Variants in ATP6V1B2 observed in about 807,000 individuals in gnomAD.
ATP6V1B2 encodes the protein V-type proton ATPase subunit B, brain isoform.
A neutral mutation model predicts 66.7 loss-of-function variants in ATP6V1B2; 23 were observed. The observed-to-expected ratio is 0.34, with a 90% CI of 0.25 to 0.49. ATP6V1B2 has a LOEUF of 0.49. Ranked by LOEUF, ATP6V1B2 falls within the 20% of genes least tolerant of loss-of-function variation. The pLI, the probability that ATP6V1B2 is intolerant of heterozygous loss-of-function variation, is 0.99. For missense variants in ATP6V1B2, 478 were observed against 650.8 expected (o/e 0.73, Z 2.89); for synonymous variants, 278 against 236.7 (o/e 1.17, Z -1.60).
At chr8:20,208,459 A>G (rs1032114972) in intron 2 of ATP6V1B2, among the ~76,000 whole-genome samples, 1 of 152,190 alleles carries the variant, frequency 6.6e-6, no homozygotes, top group African/African-American at 2.4e-5. Context: ...GCATCTTTCA[A>G]TAAATTATGT....
Position 20,210,374 on chromosome 8 carries a change from C to T in ATP6V1B2, c.320C>T (p.Ala107Val). The T allele has an allele frequency of 2.5e-6, 4 of 1,613,366 alleles. No individual in the cohort carries two copies. The highest frequency in any genetic ancestry group is 3.4e-6 in the Non-Finnish European group (4 of 1,179,582). Residue 107 changes from alanine to valine, a missense_variant, in exon 4 of 14, where the codon GCT (alanine) becomes GTT (valine). Ala to Val is a moderately conservative substitution (Grantham distance 64). Transcript: ENST00000276390. ...TTTGAAGGGACTTCAGGTATAGATG[C>T]TAAGAAAACGTCCTGTGAGTTTACT... ...QVFEGTSGIDAKKTSCEFTGD... is the reference protein window; with the variant it reads ...QVFEGTSGIDVKKTSCEFTGD...
chr8:20,198,282 T>A (rs2072649191), intron 1 of ATP6V1B2, among the ~76,000 whole-genome samples: 1 of 152,230 alleles, frequency 6.6e-6, no homozygotes, highest in Non-Finnish European at 1.5e-5. Context: ...GCTGGGCCTT[T>A]TTCTACCGTT....
chr8:20,211,062 A>G, intron 5 of ATP6V1B2, 115 bp from the exon 6 acceptor site: 2 of 1,327,220 alleles, frequency 1.5e-6, no homozygotes, highest in Non-Finnish European at 2.1e-6. Context: ...GAGATGCTTT[A>G]TGTAGTTCTG....
Position 20,216,467 on chromosome 8 carries a change from A to G in ATP6V1B2, c.1133A>G (p.Tyr378Cys), listed in dbSNP as rs1360633402. The part of the protein sequence containing the change: ...LTGYITEGQI[Y>C]VDRQLHNRQI... ...GGCTACATTACAGAGGGGCAGATCT[A>G]TGTGGACAGACAGCTGCACAACAGA... The change falls in exon 11 of 14, where the codon TAT becomes TGT. Residue 378 changes from tyrosine (Y) to cysteine (C), a missense_variant. Coordinates refer to ENST00000276390, the MANE Select transcript of ATP6V1B2 (RefSeq NM_001693.4). The G allele has an allele frequency of 2.5e-6, 4 of 1,613,304 alleles. No homozygotes were observed. The highest frequency in any genetic ancestry group is 2.2e-5 in the East Asian group (1 of 44,890).
At chr8:20,212,630 A>G (rs1000436115) in intron 8 of ATP6V1B2, 152 bp from the exon 9 acceptor site, 17 of 1,181,594 alleles carry the variant, frequency 1.4e-5, no homozygotes, top group Non-Finnish European at 2.0e-5. Flanking sequence ...TACCTTACTT[A>G]AGAATTTGTA....
At chr8:20,210,465 C>A (rs1393695521) in intron 4 of ATP6V1B2, 26 bp downstream of exon 4, 27 of 1,608,680 alleles carry the variant, frequency 1.7e-5, no homozygotes, top group African/African-American at 2.7e-5. Context: ...TCATTCTAAG[C>A]CGAGATCTGT....
chr8:20,199,182 A>G (rs552315321), intron 1 of ATP6V1B2, among the ~76,000 whole-genome samples: 1 of 152,334 alleles, frequency 6.6e-6, no homozygotes, highest in Non-Finnish European at 1.5e-5. Context: ...CATGGTTTGT[A>G]CGTACTTACC....
chr8:20,212,790 G>A lies in ATP6V1B2; in HGVS notation c.812G>A (p.Arg271Gln). 4.3e-6 allele frequency: 7 copies of A among 1,613,344 alleles called. No homozygotes were observed. Among genetic ancestry groups the A allele is most frequent in the Non-Finnish European group, 5.1e-6 (6 of 1,179,660 alleles). The part of the protein sequence containing the change: ...LNLANDPTIE[R>Q]IITPRLALTT... ...TTAATGTTCCCTTTCAGCATTGAGC[G>A]AATTATCACTCCTCGCCTGGCTCTA... Residue 271 changes from arginine to glutamine, a missense_variant, in exon 9 of 14, where the codon CGA becomes CAA. Around this residue, in one of 2 missense-constraint regions of ATP6V1B2, gnomAD observed 326 missense variants for 545.6 expected, o/e 0.60. Transcript: ENST00000276390.
At chr8:20,202,209 C>CA (rs1218300247) in intron 1 of ATP6V1B2, among the ~76,000 whole-genome samples, 1 of 152,090 alleles carries the variant, frequency 6.6e-6, no homozygotes, top group African/African-American at 2.4e-5. Context: ...TACCATACCA[C>CA]AAAAAATGAA....
At chr8:20,220,149 T>C in intron 13 of ATP6V1B2, 114 bp from the exon 14 acceptor site, 2 of 1,062,932 alleles carry the variant, frequency 1.9e-6, no homozygotes, top group Non-Finnish European at 2.6e-6. Flanking sequence ...GAGTCCCAAC[T>C]TTTTTTTTTC....
Position 20,218,365 on chromosome 8 carries a change from T to C in ATP6V1B2, c.1396+83T>C, listed in dbSNP as rs914759408. On this transcript the variant is annotated intron_variant, in intron 13 of 13. Transcript: ENST00000276390. ...CTTTCCAAGCCTAAGAAAATTCTCATTGGTTTCTATATAGTTATTTCTCTG... is the reference window on the plus strand; with the variant it reads ...CTTTCCAAGCCTAAGAAAATTCTCACTGGTTTCTATATAGTTATTTCTCTG... 2.6e-6 allele frequency: 4 copies of C among 1,536,082 alleles called. No individual in the cohort carries two copies. The African/African-American group carries it at 5.6e-5, about 21-fold the overall frequency.
At chr8:20,210,110 GTA>G (rs1352916137) in intron 3 of ATP6V1B2, among the ~76,000 whole-genome samples, 1 of 147,894 alleles carries the variant, frequency 6.8e-6, no homozygotes, top group Non-Finnish European at 1.5e-5. Flanking sequence ...TTATATTTAT[GTA>G]TGTGTATATA....
At position 20,221,166 on chromosome 8, in the gene ATP6V1B2, T is replaced by A. The variant is rs1357783149; in HGVS notation, c.*764T>A. ...TACAATTGCCAGTAGAGTTGTTGTT[T>A]GGGGTACAAGATGAGAAGAAAGAAA... is the stretch of plus-strand genomic sequence containing the variant. On this transcript the variant is annotated 3_prime_UTR_variant, in exon 14 of 14. Transcript: ENST00000276390. 6.6e-6 allele frequency: 1 copy of A among 152,182 alleles called. No homozygotes were observed. The highest frequency in any genetic ancestry group is 2.4e-5 in the African/African-American group (1 of 41,438). The allele number at this position is 152,182 out of a possible 1,614,324, so 9.4% of individuals were successfully genotyped here.
intron 1 of ATP6V1B2, among the ~76,000 whole-genome samples, chr8:20,200,220 G>A (rs1000380579): frequency 6.6e-6 from 1 of 151,768 alleles, no homozygotes; most frequent in Non-Finnish European, 1.5e-5. Context: ...ATTTCCCCAT[G>A]TTGCCCAGGC....
chr8:20,205,128 A>G (rs2072725434), intron 2 of ATP6V1B2, among the ~76,000 whole-genome samples: 1 of 152,234 alleles, frequency 6.6e-6, no homozygotes, highest in South Asian at 2.1e-4. Flanking sequence ...AACGTTTTGT[A>G]AAAGAATACA....
intron 2 of ATP6V1B2, among the ~76,000 whole-genome samples, chr8:20,205,490 C>T (rs1420983968): frequency 1.3e-5 from 2 of 152,118 alleles, no homozygotes; most frequent in African/African-American, 4.8e-5. Flanking sequence ...GACTTAGAAA[C>T]CGTCTCTGAG....
chr8:20,204,235 G>A lies in ATP6V1B2; in HGVS notation c.137-249G>A, dbSNP rs550261451. ...GTCTTTCCCTCTGTGTCTTGTTTTT[G>A]TATGCTGGGTGCTTACAACAATGAC... On this transcript the variant is annotated intron_variant, in intron 1 of 13. Transcript: ENST00000276390. Among the ~76,000 whole-genome samples, 67 of 152,262 alleles carry A rather than the reference G, an allele frequency of 4.4e-4. No individual in the cohort carries two copies. The South Asian group carries it at 0.013, about 31-fold the overall frequency.
intron 1 of ATP6V1B2, among the ~76,000 whole-genome samples, chr8:20,200,262 C>T (rs993380240): frequency 3.3e-5 from 5 of 152,040 alleles, no homozygotes; most frequent in African/African-American, 1.2e-4. Context: ...AAGAGATCCG[C>T]CCGCCATGGC....
At chr8:20,210,958 T>A (rs1385249319) in intron 5 of ATP6V1B2, among the ~76,000 whole-genome samples, 2 of 152,190 alleles carry the variant, frequency 1.3e-5, no homozygotes, top group African/African-American at 4.8e-5. Flanking sequence ...ACTTGAATTC[T>A]ATTACCCTAT....
Sources: gnomAD v4.1 joint callset for allele counts (sites outside exome capture counted in the v4.1 genomes callset) on GRCh38, gnomAD v4.1.1 for gene constraint, gnomAD v4.1.1 regional missense constraint, MANE v1.5 for transcripts, NCBI Gene and HGNC (gene_info 2026-07-23, HGNC 2026-07-21) for gene names.